The following AGBL1 variants were observed in gnomAD, a reference collection of about 807,000 sequenced individuals.
The protein encoded by AGBL1 is cytosolic carboxypeptidase 4.
Under a neutral mutation model 118.9 loss-of-function variants are expected in AGBL1, and 130 were observed. The observed-to-expected ratio is 1.09, with a 90% confidence interval of 0.95 to 1.26. AGBL1 has a LOEUF of 1.26. AGBL1 is among the 50% of genes most tolerant of loss of function. The pLI is 0.00. For synonymous variants in AGBL1, 555 were observed against 478.9 expected (o/e 1.16, Z -2.08); for missense variants, 1,584 against 1,298.1 (o/e 1.22, Z -3.38).
intron 22 of AGBL1, among the ~76,000 whole-genome samples, chr15:86,885,319 T>C (rs2079954704): frequency 6.6e-6 from 1 of 152,128 alleles, no homozygotes; most frequent in African/African-American, 2.4e-5. Flanking sequence ...TCAAATTTGT[T>C]TATCAGATTG....
At chr15:86,863,190 G>A (rs1247459531) in intron 22 of AGBL1, among the ~76,000 whole-genome samples, 2 of 152,146 alleles carry the variant, frequency 1.3e-5, no homozygotes, top group Admixed American at 6.5e-5. Flanking sequence ...GATAAATACT[G>A]GAGCTGGAAA....
At chr15:86,429,888 C>T (rs139209808) in intron 18 of AGBL1, among the ~76,000 whole-genome samples, 1 of 152,304 alleles carries the variant, frequency 6.6e-6, no homozygotes, top group Non-Finnish European at 1.5e-5. Flanking sequence ...ATATTCTTTA[C>T]CCTTGTCCAC....
rs140143344 is a variant in AGBL1 at position 86,294,009 on chromosome 15, C to T, written c.2221-1246C>T. Among the ~76,000 whole-genome samples, 999 of 152,190 alleles carry T rather than the reference C, an allele frequency of 6.6e-3. 9 individuals carry two copies. The highest frequency in any genetic ancestry group is 0.011 in the Admixed American group (161 of 15,274). On this transcript the variant is annotated intron_variant, in intron 16 of 22. Coordinates refer to ENST00000614907, the MANE Select transcript of AGBL1 (RefSeq NM_001386094.1). ...CTCTGGTTACTGAAATTTCCACTGT[C>T]AGGGGATGCAGTGCAGGTGGGGAAA...
intron 23 of AGBL1, among the ~76,000 whole-genome samples, chr15:86,938,516 G>A (rs531431339): frequency 7.9e-5 from 12 of 152,276 alleles, no homozygotes; most frequent in South Asian, 6.2e-4. Flanking sequence ...GCAGCTGAAC[G>A]TATTTCCAAC....
intron 22 of AGBL1, among the ~76,000 whole-genome samples, chr15:86,685,620 T>TGGCGTGAACCCGGGAGGCGGAG (rs1462950080): frequency 1.3e-5 from 2 of 152,202 alleles, no homozygotes; most frequent in Non-Finnish European, 2.9e-5. Flanking sequence ...ATAGGCATTA[T>TGGCGTGAACCCGGGAGGCGGAG]CTTAAAGCAA....
intron 18 of AGBL1, among the ~76,000 whole-genome samples, chr15:86,468,838 C>T (rs2082440771): frequency 6.6e-6 from 1 of 152,096 alleles, no homozygotes; most frequent in Non-Finnish European, 1.5e-5. Context: ...AGGAACTATT[C>T]ATCTTGAAGC....
At chr15:86,239,027 G>A (rs2078600217) in intron 6 of AGBL1, among the ~76,000 whole-genome samples, 1 of 152,222 alleles carries the variant, frequency 6.6e-6, no homozygotes, top group Non-Finnish European at 1.5e-5. Flanking sequence ...AGAGATGTGT[G>A]AGGAAGAGAA....
chr15:86,372,340 C>T (rs1306224084), intron 17 of AGBL1, among the ~76,000 whole-genome samples: 2 of 151,732 alleles, frequency 1.3e-5, no homozygotes, highest in Non-Finnish European at 3.0e-5. Flanking sequence ...ATTCATCCTA[C>T]TCATCATTTC....
chr15:86,653,147 A>G (rs2085404348), intron 21 of AGBL1, among the ~76,000 whole-genome samples: 1 of 135,928 alleles, frequency 7.4e-6, no homozygotes, highest in Non-Finnish European at 1.7e-5. Flanking sequence ...CCGTCCTTCC[A>G]TAACCTCCTC....
intron 21 of AGBL1, among the ~76,000 whole-genome samples, chr15:86,670,305 T>C (rs2085718058): frequency 6.6e-6 from 1 of 151,868 alleles, no homozygotes; most frequent in African/African-American, 2.4e-5. Flanking sequence ...CACTGAGTAT[T>C]ATAAGTTTAA....
At chr15:86,657,878 C>A (rs1251723613) in intron 21 of AGBL1, among the ~76,000 whole-genome samples, 1 of 151,866 alleles carries the variant, frequency 6.6e-6, no homozygotes, top group African/African-American at 2.4e-5. Context: ...TGGTGGGAAG[C>A]ACCCTGGATT....
At chr15:86,653,615 T>C (rs950586193) in intron 21 of AGBL1, among the ~76,000 whole-genome samples, 3 of 152,114 alleles carry the variant, frequency 2.0e-5, no homozygotes, top group African/African-American at 7.2e-5. Context: ...CCCCTTATTG[T>C]TCCTAATGGG....
intron 22 of AGBL1, among the ~76,000 whole-genome samples, chr15:86,872,481 T>C (rs1282666459): frequency 1.3e-5 from 2 of 152,126 alleles, no homozygotes; most frequent in African/African-American, 2.4e-5. Context: ...AGGCCGTGGG[T>C]GCAGTGGCCC....
chr15:86,439,311 C>A (rs184541480), intron 18 of AGBL1, among the ~76,000 whole-genome samples: 1 of 152,080 alleles, frequency 6.6e-6, no homozygotes, highest in African/African-American at 2.4e-5. Flanking sequence ...AAACTCCAGC[C>A]GGTATAATTA....
intron 17 of AGBL1, among the ~76,000 whole-genome samples, chr15:86,369,073 G>T (rs1163747173): frequency 6.6e-6 from 1 of 152,230 alleles, no homozygotes; most frequent in African/African-American, 2.4e-5. Context: ...GATGAAGAAA[G>T]TCTACCAACA....
chr15:86,147,414 C>T (rs980627434), intron 3 of AGBL1, among the ~76,000 whole-genome samples: 4 of 152,238 alleles, frequency 2.6e-5, no homozygotes, highest in Non-Finnish European at 5.9e-5. Flanking sequence ...CACTTAAATA[C>T]TGCACTTTTC....
chr15:86,474,763 G>C (rs551709471), intron 18 of AGBL1, among the ~76,000 whole-genome samples: 1 of 152,188 alleles, frequency 6.6e-6, no homozygotes, highest in Non-Finnish European at 1.5e-5. Context: ...ACCTGAGAAC[G>C]GACAGACTGC....
At chr15:87,029,977 T>G (rs1164574503), downstream of AGBL1, among the ~76,000 whole-genome samples, 1 of 151,852 alleles carries the variant, frequency 6.6e-6, no homozygotes, top group Non-Finnish European at 1.5e-5. Flanking sequence ...GAAGTAAAAG[T>G]GAAATTTCAT....
rs1322904304 is a variant in AGBL1 at position 86,784,346 on chromosome 15, CAGG to C, written c.3158+109913_3158+109915del. Among the ~76,000 whole-genome samples, 3 of 152,102 alleles carry C rather than the reference CAGG, an allele frequency of 2.0e-5. No individual in the cohort carries two copies. The East Asian group carries it at 5.8e-4, about 29-fold the overall frequency. On this transcript the variant is annotated intron_variant, in intron 22 of 22. Transcript: ENST00000614907. Reference sequence around the variant, plus strand: ...GCTTTGTGAACTGGTCGAATGAAAACAGGAGACGTGGTTATGCAAATTCCAGAA... The same window carrying C: ...GCTTTGTGAACTGGTCGAATGAAAACAGACGTGGTTATGCAAATTCCAGAA...
Sources: allele counts gnomAD v4.1 joint callset (sites outside exome capture counted in the v4.1 genomes callset), GRCh38; gene constraint gnomAD v4.1.1; transcripts MANE v1.5; gene names NCBI Gene and HGNC (gene_info 2026-07-23, HGNC 2026-07-21).